Variants in CRB1 observed in about 807,000 individuals in gnomAD.
CRB1 encodes the protein crumbs cell polarity complex component 1.
CRB1 carries 83 observed loss-of-function variants against 120.0 expected under a neutral mutation model. The observed-to-expected ratio is 0.69, with a 90% CI of 0.58 to 0.83. The LOEUF (loss-of-function observed/expected upper bound fraction) is 0.83. Ranked by LOEUF, CRB1 falls within the 40% of genes least tolerant of loss-of-function variation. The probability of loss-of-function intolerance (pLI) is 0.00; values close to 1 mark genes in which losing one functional copy is unlikely to be tolerated. For missense variants in CRB1, 1,699 were observed against 1,687.6 expected, an observed-to-expected ratio of 1.01 and a Z score of -0.12; for synonymous variants, 625 against 612.5, an observed-to-expected ratio of 1.02 and a Z score of -0.30.
upstream of CRB1, chr1:197,268,057 A>G (rs1654699611): frequency 7.7e-6 from 2 of 258,528 alleles, no homozygotes; most frequent in Non-Finnish European, 1.5e-5. Flanking sequence ...TAATCCCTCT[A>G]TTGAGAGCAA....
chr1:197,323,841 T>C (rs1374336939), intron 1 of CRB1, among the ~76,000 whole-genome samples: 2 of 152,142 alleles, frequency 1.3e-5, no homozygotes, highest in Non-Finnish European at 2.9e-5. Flanking sequence ...GTAGGCTGTG[T>C]AAAGGAGGAC....
At chr1:197,388,038 A>C (rs1662312197) in intron 5 of CRB1, among the ~76,000 whole-genome samples, 1 of 151,956 alleles carries the variant, frequency 6.6e-6, no homozygotes, top group Non-Finnish European at 1.5e-5. Flanking sequence ...AGTATTTAAG[A>C]CATGATCAAA....
the CRB1 span, among the ~76,000 whole-genome samples, chr1:197,209,318 G>GTTTTGT: frequency 1.3e-5 from 2 of 149,078 alleles, no homozygotes; most frequent in South Asian, 2.1e-4. Context: ...TGCCATTTTT[G>GTTTTGT]TTTTGTTTTT....
At chr1:197,453,650 C>T (rs1252647691) in intron 11 of CRB1, among the ~76,000 whole-genome samples, 2 of 145,872 alleles carry the variant, frequency 1.4e-5, no homozygotes, top group African/African-American at 5.0e-5. Context: ...GATCACAACT[C>T]ATTGCAGCCT....
At chr1:197,472,815 G>A (rs1171314236) in intron 11 of CRB1, among the ~76,000 whole-genome samples, 2 of 152,284 alleles carry the variant, frequency 1.3e-5, no homozygotes, top group East Asian at 3.9e-4. Flanking sequence ...ATGGCCCTGA[G>A]TGGATGGTAG....
intron 3 of CRB1, among the ~76,000 whole-genome samples, chr1:197,346,630 A>G (rs1234481675): frequency 2.0e-5 from 3 of 152,172 alleles, no homozygotes; most frequent in Admixed American, 2.0e-4. Context: ...GTGCAGGTAC[A>G]TTTTTTACAA....
chr1:197,254,670 A>C, the CRB1 span, among the ~76,000 whole-genome samples: 1 of 152,120 alleles, frequency 6.6e-6, no homozygotes, highest in African/African-American at 2.4e-5. Flanking sequence ...TTTTTTAAAG[A>C]ACACCTTTAT....
intron 5 of CRB1, among the ~76,000 whole-genome samples, chr1:197,393,628 C>T (rs1175722333): frequency 6.6e-6 from 1 of 151,888 alleles, no homozygotes; most frequent in Non-Finnish European, 1.5e-5. Flanking sequence ...TTTGAATGAC[C>T]AAACTCTCTA....
At chr1:197,311,324 GA>G (rs1338794167) in intron 1 of CRB1, among the ~76,000 whole-genome samples, 3 of 152,182 alleles carry the variant, frequency 2.0e-5, no homozygotes, top group African/African-American at 7.2e-5. Flanking sequence ...TTTCTATGTG[GA>G]ATTTTAAAAG....
chr1:197,428,038 T>C (rs1336202877), intron 7 of CRB1, 37 bp downstream of exon 7: 1 of 1,573,252 alleles, frequency 6.4e-7, no homozygotes, highest in Non-Finnish European at 8.7e-7. Flanking sequence ...ATATACTGTA[T>C]GCTAAACTTT....
At chr1:197,315,763 C>A (rs1385902485) in intron 1 of CRB1, among the ~76,000 whole-genome samples, 1 of 152,184 alleles carries the variant, frequency 6.6e-6, no homozygotes, top group Non-Finnish European at 1.5e-5. Context: ...AAGTAACTTG[C>A]TCTTATTTGA....
chr1:197,372,866 T>C (rs1661445058), intron 5 of CRB1, among the ~76,000 whole-genome samples: 1 of 152,150 alleles, frequency 6.6e-6, no homozygotes, highest in Non-Finnish European at 1.5e-5. Context: ...GCAAGACTTT[T>C]GGTGTTTTTA....
intron 10 of CRB1, chr1:197,440,203 G>A (rs1022277839): frequency 6.6e-6 from 1 of 152,092 alleles, no homozygotes; most frequent in African/African-American, 2.4e-5. Context: ...CACACTTTCT[G>A]CCTAATGGCA....
chr1:197,224,090 T>A, the CRB1 span, among the ~76,000 whole-genome samples: 1 of 152,016 alleles, frequency 6.6e-6, no homozygotes, highest in East Asian at 1.9e-4. Flanking sequence ...GACTGACACG[T>A]TAATAATAAT....
chr1:197,433,278 A>G (rs867893529), intron 8 of CRB1, among the ~76,000 whole-genome samples: 44 of 152,110 alleles, frequency 2.9e-4, no homozygotes, highest in African/African-American at 1.0e-3. Context: ...TGGTTGTTAT[A>G]TTGATCTGCA....
intron 5 of CRB1, among the ~76,000 whole-genome samples, chr1:197,366,489 G>T (rs536966068): frequency 9.9e-5 from 15 of 152,130 alleles, no homozygotes; most frequent in African/African-American, 3.6e-4. Context: ...TTCACTACTT[G>T]TGTAATTACC....
intron 8 of CRB1, 78 bp downstream of exon 8, chr1:197,429,692 GA>G: frequency 6.9e-7 from 1 of 1,444,648 alleles, no homozygotes; most frequent in Non-Finnish European, 9.6e-7. Flanking sequence ...CACAGAAAAA[GA>G]GTATAGACAA....
At chr1:197,406,215 A>G (rs1356062564) in intron 5 of CRB1, among the ~76,000 whole-genome samples, 4 of 152,234 alleles carry the variant, frequency 2.6e-5, no homozygotes, top group African/African-American at 9.6e-5. Flanking sequence ...GAGACTTTTC[A>G]TTTTGTTCTG....
At chr1:197,286,255 C>A (rs971425372) in intron 1 of CRB1, among the ~76,000 whole-genome samples, 2 of 151,852 alleles carry the variant, frequency 1.3e-5, no homozygotes, top group Non-Finnish European at 2.9e-5. Flanking sequence ...CAATAGCAAT[C>A]GTAACAACCT....
Sources: gnomAD v4.1 joint callset for allele counts (sites outside exome capture counted in the v4.1 genomes callset) on GRCh38, gnomAD v4.1.1 for gene constraint, MANE v1.5 for transcripts, NCBI Gene and HGNC (gene_info 2026-07-23, HGNC 2026-07-21) for gene names.